Variants in WIPF1 observed in about 807,000 individuals in gnomAD.
WIPF1 encodes WAS/WASL-interacting protein family member 1.
In WIPF1, 13 loss-of-function variants were observed where a neutral mutation model predicts 35.4. The observed-to-expected ratio is 0.37, with a 90% CI of 0.24 to 0.58. The LOEUF is 0.58. WIPF1 is among the 20% of genes least tolerant of loss of function. The pLI, the probability that WIPF1 is intolerant of heterozygous loss-of-function variation, is 0.74. For synonymous variants in WIPF1, 267 were observed against 266.3 expected, an observed-to-expected ratio of 1.00 and a Z score of -0.02; for missense variants, 591 against 667.0, an observed-to-expected ratio of 0.89 and a Z score of 1.25.
intron 1 of WIPF1, among the ~76,000 whole-genome samples, chr2:174,659,222 C>T (rs151283743): frequency 2.6e-5 from 4 of 152,300 alleles, no homozygotes; most frequent in African/African-American, 4.8e-5. Context: ...CCTACCTCAG[C>T]CTCCTGAGTG....
chr2:174,663,469 TC>T (rs1389213337), intron 1 of WIPF1, among the ~76,000 whole-genome samples: 4 of 150,976 alleles, frequency 2.6e-5, no homozygotes, highest in African/African-American at 9.8e-5. Context: ...GCATTCCCCT[TC>T]CCCCCACCCC....
At chr2:174,666,501 G>T (rs1004011937) in intron 1 of WIPF1, among the ~76,000 whole-genome samples, 1 of 152,216 alleles carries the variant, frequency 6.6e-6, no homozygotes, top group Non-Finnish European at 1.5e-5. Flanking sequence ...GGCACACCCT[G>T]CCCTCTAGTT....
chr2:174,609,492 C>A (rs1293652853), intron 1 of WIPF1, among the ~76,000 whole-genome samples: 1 of 152,056 alleles, frequency 6.6e-6, no homozygotes, highest in Non-Finnish European at 1.5e-5. Context: ...AGCTGTCACA[C>A]CCACCGTGAT....
chr2:174,636,766 G>A (rs1687189085), intron 1 of WIPF1, among the ~76,000 whole-genome samples: 1 of 152,206 alleles, frequency 6.6e-6, no homozygotes, highest in Non-Finnish European at 1.5e-5. Context: ...ACAAATGGGT[G>A]TTTTTCTCTT....
chr2:174,593,519 CAATTATTCTTGAT>C (rs1487329297), intron 1 of WIPF1, among the ~76,000 whole-genome samples: 1 of 152,206 alleles, frequency 6.6e-6, no homozygotes, highest in Non-Finnish European at 1.5e-5. Flanking sequence ...GATTCCTACT[CAATTATTCTTGAT>C]TCTATTCTTT....
rs766917312 is a variant in WIPF1, at chr2:174,562,066, T to G, written c.*481A>C. On this transcript the variant is annotated 3_prime_UTR_variant, in exon 8 of 8. Coordinates refer to ENST00000679041, the MANE Select transcript of WIPF1 (RefSeq NM_001375834.1). ...GAGCCAAGCTCGGACTGCCAAAGAT[T>G]GGACATCCTGTGACTGCAAGTTTCC... 5.2e-6 allele frequency: 8 copies of G among 1,550,498 alleles called. No individual in the cohort carries two copies. Among genetic ancestry groups the G allele is most frequent in the Non-Finnish European group, 5.2e-6 (6 of 1,147,002 alleles).
At chr2:174,593,261 A>G (rs192253703) in intron 1 of WIPF1, among the ~76,000 whole-genome samples, 64 of 152,340 alleles carry the variant, frequency 4.2e-4, no homozygotes, top group Non-Finnish European at 7.5e-4. Flanking sequence ...ACACATACAC[A>G]TATACACACA....
intron 1 of WIPF1, among the ~76,000 whole-genome samples, chr2:174,618,608 T>TTTA (rs765154097): frequency 9.2e-5 from 14 of 152,314 alleles, no homozygotes; most frequent in Non-Finnish European, 1.6e-4. Context: ...TCTAGGTGCT[T>TTTA]TTATAAGTAT....
rs146704825 is a variant in WIPF1 at position 174,570,968 on chromosome 2, A to G, written c.1129+708T>C. Among the ~76,000 whole-genome samples the G allele has an allele frequency of 1.4e-4, 22 of 152,284 alleles. No individual in the cohort carries two copies. The East Asian group carries it at 4.2e-3, about 29-fold the overall frequency. On this transcript the variant is annotated intron_variant, in intron 5 of 7. Transcript: ENST00000679041. ...TCCTCACATTTCCTTTCATACTCTG[A>G]AAGTTTGTCCCTCAGATCAAGGTTT... is the stretch of plus-strand genomic sequence containing the variant.
chr2:174,596,104 G>A (rs1317525276), intron 1 of WIPF1, among the ~76,000 whole-genome samples: 4 of 152,146 alleles, frequency 2.6e-5, no homozygotes, highest in Admixed American at 6.6e-5. Flanking sequence ...GTTGCTGCTC[G>A]ATCCCAGGAA....
At chr2:174,564,676 A>G (rs755747475) in intron 7 of WIPF1, among the ~76,000 whole-genome samples, 2 of 152,116 alleles carry the variant, frequency 1.3e-5, no homozygotes, top group Non-Finnish European at 2.9e-5. Context: ...TAGAAATAAT[A>G]TTTAGAATAA....
intron 1 of WIPF1, among the ~76,000 whole-genome samples, chr2:174,624,300 T>C (rs1160616910): frequency 6.6e-6 from 1 of 152,148 alleles, no homozygotes; most frequent in Non-Finnish European, 1.5e-5. Flanking sequence ...CCCGCAAAAT[T>C]CAAATCTTCT....
chr2:174,648,435 T>C (rs952397033), intron 1 of WIPF1, among the ~76,000 whole-genome samples: 3 of 152,234 alleles, frequency 2.0e-5, no homozygotes, highest in African/African-American at 4.8e-5. Flanking sequence ...ATAACATAAG[T>C]GTGTTTACTG....
At chr2:174,578,149 G>A (rs746068120) in intron 3 of WIPF1, among the ~76,000 whole-genome samples, 46 of 152,220 alleles carry the variant, frequency 3.0e-4, no homozygotes, top group Non-Finnish European at 6.0e-4. Context: ...CTACCCACTA[G>A]ATGTCAGTAG....
At chr2:174,595,107 AAAATATATATATATAT>A (rs1439837332) in intron 1 of WIPF1, among the ~76,000 whole-genome samples, 6 of 37,906 alleles carry the variant, frequency 1.6e-4, no homozygotes, top group Middle Eastern at 0.01. Flanking sequence ...AAAAAAAAAA[AAAATATATATATATAT>A]ATATATATAT....
intron 4 of WIPF1, among the ~76,000 whole-genome samples, chr2:174,574,001 C>T (rs748535159): frequency 1.5e-4 from 22 of 151,576 alleles, no homozygotes; most frequent in Non-Finnish European, 2.8e-4. Context: ...GCAATCCTCC[C>T]ACCTCCGCCT....
chr2:174,569,216 C>G (rs1042769882), intron 5 of WIPF1, among the ~76,000 whole-genome samples: 5 of 152,194 alleles, frequency 3.3e-5, no homozygotes, highest in African/African-American at 1.2e-4. Flanking sequence ...AACTGAACAA[C>G]CTGCCCACTG....
At chr2:174,637,947 T>A (rs1359577411) in intron 1 of WIPF1, among the ~76,000 whole-genome samples, 1 of 152,264 alleles carries the variant, frequency 6.6e-6, no homozygotes, top group Non-Finnish European at 1.5e-5. Context: ...TGTCTTTTTT[T>A]CCTCCTTACC....
chr2:174,646,181 A>AT (rs1687405876), intron 1 of WIPF1, among the ~76,000 whole-genome samples: 1 of 152,218 alleles, frequency 6.6e-6, no homozygotes. Flanking sequence ...TTGATTCAGA[A>AT]TTTGTGTTTT....
Sources: allele counts gnomAD v4.1 joint callset (sites outside exome capture counted in the v4.1 genomes callset), GRCh38; gene constraint gnomAD v4.1.1; transcripts MANE v1.5; gene names NCBI Gene and HGNC (gene_info 2026-07-23, HGNC 2026-07-21).